Variants in ACBD5 observed in about 807,000 individuals in gnomAD.
The protein encoded by ACBD5 is acyl-CoA-binding domain-containing protein 5.
ACBD5 carries 40 observed loss-of-function variants against 71.8 expected under a neutral mutation model. The ratio of observed to expected loss-of-function variants is 0.56; its 90% CI spans 0.43 to 0.72. The LOEUF (loss-of-function observed/expected upper bound fraction) is 0.72. Ranked by LOEUF, ACBD5 falls within the 30% of genes least tolerant of loss-of-function variation. The probability of loss-of-function intolerance (pLI) is 0.00; values close to 1 mark genes in which losing one functional copy is unlikely to be tolerated. For missense variants in ACBD5, 559 were observed against 644.5 expected, an observed-to-expected ratio of 0.87 and a Z score of 1.44; for synonymous variants, 229 against 218.6, an observed-to-expected ratio of 1.05 and a Z score of -0.42.
chr10:27,213,774 A>T (rs536090577), intron 8 of ACBD5, among the ~76,000 whole-genome samples: 1 of 151,572 alleles, frequency 6.6e-6, no homozygotes, highest in African/African-American at 2.4e-5. Context: ...AAAAAAAAGT[A>T]CCAAAAATAG....
intron 2 of ACBD5, among the ~76,000 whole-genome samples, chr10:27,238,001 T>C (rs2138485896): frequency 6.6e-6 from 1 of 151,880 alleles, no homozygotes; most frequent in East Asian, 1.9e-4. Context: ...TCACCCAGGC[T>C]GGGGTGTGAT....
chr10:27,216,523 G>A (rs553729496), intron 7 of ACBD5, among the ~76,000 whole-genome samples: 2 of 152,144 alleles, frequency 1.3e-5, no homozygotes, highest in East Asian at 1.9e-4. Flanking sequence ...TGATCCACCC[G>A]CCTCGGCCTC....
At position 27,210,737 on chromosome 10, in the gene ACBD5, G is replaced by A. The variant is rs1589105377; in HGVS notation, c.1204+77C>T. 14 of 1,596,820 alleles carry A rather than the reference G, an allele frequency of 8.8e-6. 1 individual carries two copies. Among genetic ancestry groups the A allele is most frequent in the East Asian group, 4.5e-5 (2 of 44,632 alleles). ...TGCACCACCGCACACCAGCCTGGGC[G>A]ACAGAGCGCGAGACTCCATCTCAAA... On this transcript the variant is annotated intron_variant, in intron 9 of 12. Coordinates refer to ENST00000396271, the MANE Select transcript of ACBD5 (RefSeq NM_145698.5).
intron 8 of ACBD5, among the ~76,000 whole-genome samples, chr10:27,212,507 C>G (rs565298712): frequency 6.6e-6 from 1 of 151,844 alleles, no homozygotes; most frequent in East Asian, 1.9e-4. Context: ...AGTTTTTCAT[C>G]CTTTTCATTT....
At chr10:27,185,530 G>A (rs2058652657) in intron 13 of ACBD5, among the ~76,000 whole-genome samples, 1 of 151,442 alleles carries the variant, frequency 6.6e-6, no homozygotes, top group South Asian at 2.1e-4. Flanking sequence ...CTACTCAGGA[G>A]GATGAGGTGG....
intron 6 of ACBD5, 27 bp downstream of exon 6, chr10:27,219,696 A>T (rs202041172): frequency 7.2e-5 from 116 of 1,612,792 alleles, no homozygotes; most frequent in Non-Finnish European, 9.3e-5. Flanking sequence ...TTATTGCAAA[A>T]TTACTAACTG....
In ACBD5 at chr10:27,220,768, C is replaced by CTCA. The variant is rs113323325; in HGVS notation, c.491-914_491-912dup. On this transcript the variant is annotated intron_variant, in intron 5 of 12. Transcript: ENST00000396271. The stretch of plus-strand genomic sequence containing the variant: ...CTTGAAAAATAACAAAATTGGAGGA[C>CTCA]TCATCATTCCTGATTTCAAAACTTA... Among the ~76,000 whole-genome samples the CTCA allele has an allele frequency of 4.8e-3, 734 of 152,160 alleles. 3 individuals carry two copies. Among genetic ancestry groups the CTCA allele is most frequent in the African/African-American group, 0.017 (702 of 41,506 alleles).
intron 13 of ACBD5, among the ~76,000 whole-genome samples, chr10:27,189,831 A>C (rs1368437704): frequency 6.6e-6 from 1 of 151,706 alleles, no homozygotes; most frequent in Admixed American, 6.6e-5. Flanking sequence ...TTATTGGATG[A>C]ATTTAGAAAA....
chr10:27,195,855 C>T lies in ACBD5; in HGVS notation c.*1575G>A, dbSNP rs567848619. On this transcript the variant is annotated 3_prime_UTR_variant, in exon 13 of 13. Transcript: ENST00000396271. The stretch of plus-strand genomic sequence containing the variant: ...GACAGATTATTTCTTATTTAAAACA[C>T]TGTGAACATATGATGTTAAACCCAA... 1 of 451,486 alleles carries T rather than the reference C, an allele frequency of 2.2e-6. No homozygotes were observed. Among genetic ancestry groups the T allele is most frequent in the South Asian group, 1.6e-5 (1 of 63,728 alleles). The allele number at this position is 451,486 out of a possible 1,614,324, so 28.0% of individuals were successfully genotyped here.
chr10:27,240,595 G>C lies in ACBD5; in HGVS notation c.15+79C>G, dbSNP rs2138628849. On this transcript the variant is annotated intron_variant, in intron 1 of 12. Coordinates refer to ENST00000396271, the MANE Select transcript of ACBD5 (RefSeq NM_145698.5). This position sits in a 1 kb window ranked among gnomAD's most constrained non-coding sequence, Gnocchi z 4.1. ...CCCTATCCAGGCCACACAGATCGAA[G>C]CGGCCCGGCTCCTTCCTCCTCCCCC... The C allele has an allele frequency of 6.4e-7, 1 of 1,551,168 alleles. No homozygotes were observed. The highest frequency in any genetic ancestry group is 8.7e-7 in the Non-Finnish European group (1 of 1,146,950).
rs145435469 is a variant in ACBD5 at position 27,240,683 on chromosome 10, G to A, written c.6C>T (p.Leu2=). 194 of 1,551,008 alleles carry A rather than the reference G, an allele frequency of 1.3e-4. 1 individual carries two copies. In the East Asian group the frequency reaches 4.4e-3, roughly 35 times the overall value. The change falls in exon 1 of 13, where the codon CTC becomes CTT. Residue 2 remains leucine, a synonymous_variant. Coordinates refer to ENST00000396271, the MANE Select transcript of ACBD5 (RefSeq NM_145698.5). The surrounding 1 kb of genome is among the most constrained non-coding windows in gnomAD (Gnocchi z 4.1). M[L]FLSFHAGSWE... is the part of the protein sequence containing the mutation. ...CAGCAAAACAACTCACCGAGAGGAA[G>A]AGCATGTCTAGCAGAAGACAGAGGG...
chr10:27,214,418 T>C (rs2061419348), intron 8 of ACBD5, among the ~76,000 whole-genome samples: 1 of 152,048 alleles, frequency 6.6e-6, no homozygotes, highest in African/African-American at 2.4e-5. Flanking sequence ...TCTCGCCTTC[T>C]TGCCCAGGCT....
At chr10:27,189,357 G>T (rs1249409251) in intron 13 of ACBD5, among the ~76,000 whole-genome samples, 1 of 152,146 alleles carries the variant, frequency 6.6e-6, no homozygotes, top group East Asian at 1.9e-4. Flanking sequence ...AAAATAATTT[G>T]TGGCTGGGCA....
intron 6 of ACBD5, among the ~76,000 whole-genome samples, chr10:27,219,086 G>A (rs1474023115): frequency 6.6e-6 from 1 of 152,022 alleles, no homozygotes; most frequent in African/African-American, 2.4e-5. Context: ...CAGATCACTT[G>A]AGGTCAGGAG....
At position 27,240,429 on chromosome 10, in the gene ACBD5, C is replaced by A. The variant is rs779034551; in HGVS notation, c.71G>T (p.Arg24Ile). 3 of 1,614,142 alleles carry A rather than the reference C, an allele frequency of 1.9e-6. No individual in the cohort carries two copies. Among genetic ancestry groups the A allele is most frequent in the Non-Finnish European group, 2.5e-6 (3 of 1,180,032 alleles). ...WCCCCLIPAD[R>I]PWDRGQHWQL... Reference sequence around the variant, plus strand: ...CCAGTGTTGGCCCCGGTCCCAAGGTCTGTCGGCGGGAATCAGGCAGCAGCA... The same window carrying A: ...CCAGTGTTGGCCCCGGTCCCAAGGTATGTCGGCGGGAATCAGGCAGCAGCA... The change falls in exon 2 of 13, where the codon AGA becomes ATA. Residue 24 changes from arginine (R) to isoleucine (I), a missense_variant. By Grantham distance (97) the Arg-to-Ile change is moderately conservative. Transcript: ENST00000396271. This position sits in a 1 kb window ranked among gnomAD's most constrained non-coding sequence, Gnocchi z 4.1.
intron 8 of ACBD5, among the ~76,000 whole-genome samples, chr10:27,212,704 T>C (rs1366184846): frequency 1.3e-5 from 2 of 151,228 alleles, no homozygotes; most frequent in Non-Finnish European, 2.9e-5. Context: ...GTAGCTACCA[T>C]GCCTGGCTAA....
chr10:27,227,542 T>A (rs892460250), intron 4 of ACBD5, among the ~76,000 whole-genome samples: 2 of 142,004 alleles, frequency 1.4e-5, no homozygotes, highest in African/African-American at 5.9e-5. Context: ...ATCACTCACT[T>A]TAAGAAACTG....
chr10:27,208,049 T>C (rs1319170928), intron 10 of ACBD5, among the ~76,000 whole-genome samples, 197 bp downstream of exon 10: 3 of 152,198 alleles, frequency 2.0e-5, no homozygotes, highest in African/African-American at 7.2e-5. Context: ...TTCTATTATT[T>C]TACCATTTTT....
At chr10:27,191,423 C>G (rs899213926), downstream of ACBD5, among the ~76,000 whole-genome samples, 15 of 152,142 alleles carry the variant, frequency 9.9e-5, no homozygotes, top group Admixed American at 2.0e-4. Flanking sequence ...TAAGAGTGAG[C>G]CCCATGGTAA....
Sources: gnomAD v4.1 joint callset for allele counts (sites outside exome capture counted in the v4.1 genomes callset) on GRCh38, gnomAD v4.1.1 for gene constraint, Gnocchi (gnomAD v3.1) non-coding constraint, MANE v1.5 for transcripts, NCBI Gene and HGNC (gene_info 2026-07-23, HGNC 2026-07-21) for gene names.